Variants in PXMP4 observed in about 807,000 individuals in gnomAD.
PXMP4 encodes the protein peroxisomal membrane protein 4.
In PXMP4, 16 loss-of-function variants were observed where a neutral mutation model predicts 21.6. That is an observed-to-expected ratio of 0.74 (90% CI 0.50 to 1.13). The LOEUF (loss-of-function observed/expected upper bound fraction) is 1.13. Ranked by LOEUF, PXMP4 falls within the 50% of genes most tolerant of loss-of-function variation. The pLI, the probability that PXMP4 is intolerant of heterozygous loss-of-function variation, is 0.00. For missense variants in PXMP4, 240 were observed against 277.7 expected, an observed-to-expected ratio of 0.86 and a Z score of 0.96; for synonymous variants, 127 against 123.8, an observed-to-expected ratio of 1.03 and a Z score of -0.17.
Position 33,705,972 on chromosome 20 carries a change from C to T in PXMP4, c.*1734G>A, listed in dbSNP as rs528225839. The T allele has an allele frequency of 6.6e-6, 1 of 152,054 alleles. No homozygotes were observed. The highest frequency in any genetic ancestry group is 6.6e-5 in the Admixed American group (1 of 15,260). 9.4% of individuals were successfully genotyped at this position (152,054 alleles called of 1,614,324 possible). ...ACACAGTCTCGCTCTGTGGCCCAGG[C>T]TGGAGTGCAGTCGTGCGATCTCAGC... On this transcript the variant is annotated 3_prime_UTR_variant, in exon 4 of 4. Transcript: ENST00000409299.
At chr20:33,710,107 C>T (rs1851067554) in intron 3 of PXMP4, among the ~76,000 whole-genome samples, 1 of 145,228 alleles carries the variant, frequency 6.9e-6, no homozygotes, top group Non-Finnish European at 1.5e-5. Flanking sequence ...CGACTCCCAC[C>T]TCTATCCAGA....
intron 1 of PXMP4, among the ~76,000 whole-genome samples, chr20:33,718,512 A>C (rs1160167911): frequency 6.7e-5 from 2 of 29,640 alleles, no homozygotes; most frequent in Admixed American, 3.4e-4. Context: ...CTCCATCTCA[A>C]AAAAAAAAAA....
chr20:33,716,742 A>C (rs1010440477), intron 1 of PXMP4, among the ~76,000 whole-genome samples: 1 of 152,208 alleles, frequency 6.6e-6, no homozygotes, highest in African/African-American at 2.4e-5. Flanking sequence ...CGATGCCAGA[A>C]CACCCCTTAC....
chr20:33,714,276 G>C (rs1007758287), intron 2 of PXMP4, among the ~76,000 whole-genome samples: 1 of 152,138 alleles, frequency 6.6e-6, no homozygotes, highest in Non-Finnish European at 1.5e-5. Flanking sequence ...ACTCACACCT[G>C]TAATCTCAGC....
intron 3 of PXMP4, among the ~76,000 whole-genome samples, chr20:33,710,144 C>G: frequency 1.4e-5 from 2 of 142,888 alleles, no homozygotes; most frequent in Non-Finnish European, 3.1e-5. Flanking sequence ...ACTCCCACCT[C>G]TATCCAGAAC....
Position 33,714,506 on chromosome 20 carries a change from G to A in PXMP4, c.176+168C>T, listed in dbSNP as rs557194851. On this transcript the variant is annotated intron_variant, in intron 2 of 3. Transcript: ENST00000409299. ...CACTCTGACCTGGGTGACAGAGAGAGACTCCATCTCAACAACAACAACAAC... is the reference window on the plus strand; with the variant it reads ...CACTCTGACCTGGGTGACAGAGAGAAACTCCATCTCAACAACAACAACAAC... Among the ~76,000 whole-genome samples the A allele has an allele frequency of 4.6e-5, 7 of 151,090 alleles. No individual in the cohort carries two copies. The South Asian group carries it at 1.5e-3, about 33-fold the overall frequency.
intron 1 of PXMP4, 121 bp from the exon 2 acceptor site, chr20:33,714,857 G>A (rs2018367974): frequency 5.3e-6 from 5 of 947,388 alleles, no homozygotes; most frequent in Non-Finnish European, 8.5e-6. Flanking sequence ...TTTGGGAGGG[G>A]AAATCATGCT....
intron 1 of PXMP4, among the ~76,000 whole-genome samples, chr20:33,715,376 G>A (rs1241660525): frequency 6.6e-6 from 1 of 151,732 alleles, no homozygotes. Context: ...CCTGATCTCA[G>A]GTGATCCACT....
chr20:33,713,036 A>G (rs1432918078), intron 2 of PXMP4, among the ~76,000 whole-genome samples: 1 of 152,250 alleles, frequency 6.6e-6, no homozygotes, highest in Non-Finnish European at 1.5e-5. Flanking sequence ...TGTTGGGATT[A>G]TAGGCGTGAG....
chr20:33,709,956 A>C, intron 3 of PXMP4, among the ~76,000 whole-genome samples: 1 of 117,248 alleles, frequency 8.5e-6, no homozygotes, highest in Non-Finnish European at 1.7e-5. Flanking sequence ...CCTTTCTCCC[A>C]CTCCTACCTC....
chr20:33,717,411 C>A (rs1020063083), intron 1 of PXMP4, among the ~76,000 whole-genome samples: 2 of 151,376 alleles, frequency 1.3e-5, no homozygotes, highest in Non-Finnish European at 2.9e-5. Flanking sequence ...GAGGCCGAGG[C>A]GGGCGGATCA....
At chr20:33,715,592 AT>A (rs1555866401) in intron 1 of PXMP4, among the ~76,000 whole-genome samples, 3 of 148,522 alleles carry the variant, frequency 2.0e-5, no homozygotes, top group African/African-American at 5.0e-5. Context: ...TGCCTGGCTA[AT>A]TTTTGTATTT....
At chr20:33,718,464 T>C (rs140679760) in intron 1 of PXMP4, among the ~76,000 whole-genome samples, 2,219 of 133,514 alleles carry the variant, frequency 0.017, 54 homozygotes, top group African/African-American at 0.063. Context: ...TGAGCCGAGA[T>C]TGCGCCACTG....
intron 1 of PXMP4, among the ~76,000 whole-genome samples, chr20:33,715,421 G>C (rs988924575): frequency 6.6e-6 from 1 of 151,936 alleles, no homozygotes; most frequent in East Asian, 1.9e-4. Flanking sequence ...TCAGAGGGCT[G>C]GTTGTAATTT....
At position 33,704,253 on chromosome 20, in the gene PXMP4, G is replaced by A. The variant is rs909306175; in HGVS notation, c.*3453C>T. The A allele has an allele frequency of 7.6e-5, 12 of 157,856 alleles. No individual in the cohort carries two copies. Among genetic ancestry groups the A allele is most frequent in the Middle Eastern group, 6.1e-3 (2 of 326 alleles). 9.8% of individuals were successfully genotyped at this position (157,856 alleles called of 1,614,324 possible). ...CTAGACAGTCCCATCAAGGCGTGAC[G>A]GGAGACAGTGACAGATCATCAGGCA... On this transcript the variant is annotated 3_prime_UTR_variant, in exon 4 of 4. Transcript: ENST00000409299.
chr20:33,710,166 C>A (rs1242948889), intron 3 of PXMP4, among the ~76,000 whole-genome samples: 1 of 144,644 alleles, frequency 6.9e-6, no homozygotes, highest in Non-Finnish European at 1.5e-5. Flanking sequence ...ACGCCCTTTC[C>A]CCACTCCTAC....
intron 3 of PXMP4, 114 bp from the exon 4 acceptor site, chr20:33,708,083 G>T: frequency 4.8e-6 from 6 of 1,245,216 alleles, no homozygotes; most frequent in Non-Finnish European, 6.5e-6. Flanking sequence ...CCTGGCTAGG[G>T]GTTTATTTAT....
At chr20:33,712,448 ATT>A (rs1018942123) in intron 2 of PXMP4, among the ~76,000 whole-genome samples, 1 of 143,014 alleles carries the variant, frequency 7.0e-6, no homozygotes. Flanking sequence ...CCTGGCAGCA[ATT>A]TTTTTTTTTT....
At chr20:33,709,847 C>A in intron 3 of PXMP4, among the ~76,000 whole-genome samples, 1 of 133,946 alleles carries the variant, frequency 7.5e-6, no homozygotes, top group Non-Finnish European at 1.6e-5. Flanking sequence ...TCCCCTTCCC[C>A]CACCCCCACC....
Sources: allele counts gnomAD v4.1 joint callset (sites outside exome capture counted in the v4.1 genomes callset), GRCh38; gene constraint gnomAD v4.1.1; transcripts MANE v1.5; gene names NCBI Gene and HGNC (gene_info 2026-07-23, HGNC 2026-07-21).